Variants in FBH1 observed in about 807,000 individuals in gnomAD.
FBH1 encodes the protein F-box DNA helicase 1.
A neutral mutation model predicts 115.5 loss-of-function variants in FBH1; 43 were observed. That is an observed-to-expected ratio of 0.37 (90% CI 0.29 to 0.48). The LOEUF (loss-of-function observed/expected upper bound fraction) is 0.48, where lower values mean the gene tolerates loss of function less well. Ranked by LOEUF, FBH1 falls within the 20% of genes least tolerant of loss-of-function variation. FBH1 has a pLI of 0.99. For missense variants in FBH1, 1,001 were observed against 1,337.3 expected, an observed-to-expected ratio of 0.75 and a Z score of 3.92; for synonymous variants, 524 against 507.8, an observed-to-expected ratio of 1.03 and a Z score of -0.43.
Position 5,930,511 on chromosome 10 carries a change from G to A in FBH1, c.2829+2970G>A, listed in dbSNP as rs148033019. 6.7e-4 allele frequency among the ~76,000 whole-genome samples: 102 copies of A among 152,330 alleles called. 2 individuals carry two copies. The East Asian group carries it at 0.014, about 21-fold the overall frequency. On this transcript the variant is annotated intron_variant, in intron 19 of 20. Coordinates refer to ENST00000362091, the MANE Select transcript of FBH1 (RefSeq NM_178150.3). Reference sequence around the variant, plus strand: ...CAGTAACTGGAAGTTAGCCGTAGAGGCTTGATTCGATTCAAGCCTGAGTCT... The same window carrying A: ...CAGTAACTGGAAGTTAGCCGTAGAGACTTGATTCGATTCAAGCCTGAGTCT...
intron 1 of FBH1, among the ~76,000 whole-genome samples, chr10:5,892,404 T>G (rs182144143): frequency 6.6e-6 from 1 of 152,370 alleles, no homozygotes; most frequent in African/African-American, 2.4e-5. Flanking sequence ...TTGGGTTTGT[T>G]GACATCATCT....
rs535519935 is a variant in FBH1 at position 5,903,113 on chromosome 10, G to A, written c.95G>A (p.Trp32Ter). ...GTGACCCAGCCCTTCGGTCAAAGAT[G>A]GACAAACAGAGATCCGAACCATGGT... ...LAVTQPFGQRWTNRDPNHGLY... is the reference protein window; with the variant it reads ...LAVTQPFGQR The change falls in exon 2 of 21, where the codon TGG becomes TAG. Residue 32 changes from tryptophan to a stop codon, truncating the protein, a stop_gained. Transcript: ENST00000362091. LOFTEE classifies it high-confidence loss of function. The A allele has an allele frequency of 1.9e-6, 3 of 1,613,686 alleles. No homozygotes were observed. In the Admixed American group the frequency reaches 5.0e-5, roughly 27 times the overall value.
In FBH1 at chr10:5,900,810, T is replaced by C. The variant is rs1843300767; in HGVS notation, c.2-2210T>C. 1.3e-5 allele frequency among the ~76,000 whole-genome samples: 2 copies of C among 152,114 alleles called. No individual in the cohort carries two copies. Among genetic ancestry groups the C allele is most frequent in the African/African-American group, 4.8e-5 (2 of 41,416 alleles). The stretch of plus-strand genomic sequence containing the variant: ...TATGTATTTTCAAGCTTAAAGGAAA[T>C]GTCAAGCTGGGCACAGTGGCTCACA... On this transcript the variant is annotated intron_variant, in intron 1 of 20. Coordinates refer to ENST00000362091, the MANE Select transcript of FBH1 (RefSeq NM_178150.3). This position sits in a 1 kb window ranked among gnomAD's most constrained non-coding sequence, Gnocchi z 4.2.
At position 5,900,314 on chromosome 10, in the gene FBH1, A is replaced by G. The variant is rs1390114887; in HGVS notation, c.2-2706A>G. Reference sequence around the variant, plus strand: ...TCATCTGTTCCTGATGACACTTATCAGACTTAGATGAGATTGGGCGCGTTC... The same window carrying G: ...TCATCTGTTCCTGATGACACTTATCGGACTTAGATGAGATTGGGCGCGTTC... On this transcript the variant is annotated intron_variant, in intron 1 of 20. Transcript: ENST00000362091. This position sits in a 1 kb window ranked among gnomAD's most constrained non-coding sequence, Gnocchi z 4.2. Among the ~76,000 whole-genome samples the G allele has an allele frequency of 6.6e-6, 1 of 152,256 alleles. No homozygotes were observed. The highest frequency in any genetic ancestry group is 1.5e-5 in the Non-Finnish European group (1 of 68,046).
chr10:5,919,356 C>T (rs574486435), intron 13 of FBH1, among the ~76,000 whole-genome samples: 1 of 151,938 alleles, frequency 6.6e-6, no homozygotes, highest in Non-Finnish European at 1.5e-5. Context: ...TGTGGTGGCT[C>T]CCGCCTGTAG....
chr10:5,927,308 C>T (rs1017511672), intron 18 of FBH1, 127 bp from the exon 19 acceptor site: 2 of 640,696 alleles, frequency 3.1e-6, no homozygotes, highest in Admixed American at 3.5e-5. Context: ...GTATTTACAG[C>T]CAACAAATGT....
Position 5,895,015 on chromosome 10 carries a change from AC to A in FBH1, c.1+4670del. 7 of 1,593,102 alleles carry A rather than the reference AC, an allele frequency of 4.4e-6. No individual in the cohort carries two copies. The highest frequency in any genetic ancestry group is 6.0e-6 in the Non-Finnish European group (7 of 1,166,014). ...TTTATGGTGCTGGAGTTGAGAGATA[AC>A]ACAGTTAACTGTTGAAATTGGGCCA... On this transcript the variant is annotated intron_variant, in intron 1 of 20. Transcript: ENST00000362091. This position sits in a 1 kb window ranked among gnomAD's most constrained non-coding sequence, Gnocchi z 5.0.
rs910156503 is a variant in FBH1 at position 5,910,007 on chromosome 10, C to A, written c.1020+713C>A. Among the ~76,000 whole-genome samples, 2 of 152,078 alleles carry A rather than the reference C, an allele frequency of 1.3e-5. No individual in the cohort carries two copies. Among genetic ancestry groups the A allele is most frequent in the Non-Finnish European group, 2.9e-5 (2 of 68,000 alleles). ...TAACTTAAGAATGGTAAAGGCTGGG[C>A]GTGGTGGCTCACGCCTGTTATCCCA... is the stretch of plus-strand genomic sequence containing the variant. On this transcript the variant is annotated intron_variant, in intron 5 of 20. Transcript: ENST00000362091. This position sits in a 1 kb window ranked among gnomAD's most constrained non-coding sequence, Gnocchi z 4.8.
chr10:5,895,241 C>T lies in FBH1; in HGVS notation c.1+4895C>T, dbSNP rs1044916141. ...GCGGTTAGCTGACTCCAAAATTGTC[C>T]AGATTAGCAAAACTGCCCTCTGTGG... On this transcript the variant is annotated intron_variant, in intron 1 of 20. Coordinates refer to ENST00000362091, the MANE Select transcript of FBH1 (RefSeq NM_178150.3). The surrounding 1 kb of genome is among the most constrained non-coding windows in gnomAD (Gnocchi z 5.0). 2.6e-6 allele frequency: 4 copies of T among 1,565,574 alleles called. No individual in the cohort carries two copies. Among genetic ancestry groups the T allele is most frequent in the Middle Eastern group, 1.8e-4 (1 of 5,522 alleles).
At chr10:5,926,115 TC>T (rs1832635661) in intron 18 of FBH1, among the ~76,000 whole-genome samples, 1 of 69,950 alleles carries the variant, frequency 1.4e-5, no homozygotes, top group Non-Finnish European at 3.9e-5. Context: ...TTATTCTTAT[TC>T]TTCTTATTAT....
At chr10:5,904,676 C>A (rs1455529565) in intron 2 of FBH1, among the ~76,000 whole-genome samples, 1 of 152,082 alleles carries the variant, frequency 6.6e-6, no homozygotes, top group Non-Finnish European at 1.5e-5. Context: ...GCCTGGGCAA[C>A]ATAATGAGAC....
In FBH1 at chr10:5,906,434, G is replaced by C; in HGVS notation, c.555G>C (p.Gly185=). ...AESGETDQDA[G]DVGPDPIPDS... ...CTGGTGAAACCGACCAAGATGCTGG[G>C]GACGTGGGTCCTGATCCCATTCCTG... Residue 185 remains glycine (G), a synonymous_variant, in exon 3 of 21, where the codon GGG becomes GGC. Coordinates refer to ENST00000362091, the MANE Select transcript of FBH1 (RefSeq NM_178150.3). The surrounding 1 kb of genome is among the most constrained non-coding windows in gnomAD (Gnocchi z 7.3). 1 of 1,614,228 alleles carries C rather than the reference G, an allele frequency of 6.2e-7. No individual in the cohort carries two copies. Among genetic ancestry groups the C allele is most frequent in the South Asian group, 1.1e-5 (1 of 91,084 alleles).
chr10:5,919,312 C>T (rs1287245585), intron 13 of FBH1, among the ~76,000 whole-genome samples: 1 of 151,950 alleles, frequency 6.6e-6, no homozygotes, highest in Non-Finnish European at 1.5e-5. Context: ...ATGGTAAAAC[C>T]CTGTCTCTAT....
In FBH1 at chr10:5,906,410, T is replaced by C. The variant is rs1419483406; in HGVS notation, c.531T>C (p.Ser177=). ...EDSTSRLSAE[S]GETDQDAGDV... Reference sequence around the variant, plus strand: ...GTACGTCTCGGCTCTCTGCGGAGTCTGGTGAAACCGACCAAGATGCTGGGG... The same window carrying C: ...GTACGTCTCGGCTCTCTGCGGAGTCCGGTGAAACCGACCAAGATGCTGGGG... Residue 177 remains serine (S), a synonymous_variant, in exon 3 of 21, where the codon TCT becomes TCC. Coordinates refer to ENST00000362091, the MANE Select transcript of FBH1 (RefSeq NM_178150.3). The surrounding 1 kb of genome is among the most constrained non-coding windows in gnomAD (Gnocchi z 7.3). 6.2e-7 allele frequency: 1 copy of C among 1,614,030 alleles called. No homozygotes were observed. Among genetic ancestry groups the C allele is most frequent in the Non-Finnish European group, 8.5e-7 (1 of 1,179,968 alleles).
rs1833258738 is a variant in FBH1 at position 5,935,264 on chromosome 10, CA to C, written c.2830-1190del. On this transcript the variant is annotated intron_variant, in intron 19 of 20. Coordinates refer to ENST00000362091, the MANE Select transcript of FBH1 (RefSeq NM_178150.3). This position sits in a 1 kb window ranked among gnomAD's most constrained non-coding sequence, Gnocchi z 5.2. ...TGCATTGTTGGAAATAGTTTGGAAA[CA>C]ACCGAGTAACCACAGCAAGGGAATG... The C allele has an allele frequency of 6.6e-6, 1 of 152,174 alleles. No homozygotes were observed. Among genetic ancestry groups the C allele is most frequent in the South Asian group, 2.1e-4 (1 of 4,832 alleles). 9.4% of individuals were successfully genotyped at this position (152,174 alleles called of 1,614,324 possible).
At position 5,936,235 on chromosome 10, in the gene FBH1, A is replaced by G; in HGVS notation, c.2830-221A>G. On this transcript the variant is annotated intron_variant, in intron 19 of 20. Transcript: ENST00000362091. The surrounding 1 kb of genome is among the most constrained non-coding windows in gnomAD (Gnocchi z 5.6). ...TTTTGCATGTTTATCTGTTAAATAT[A>G]TATATATTTAAAAAGCAATTGGACT... 2.8e-6 allele frequency: 1 copy of G among 351,854 alleles called. No individual in the cohort carries two copies. The highest frequency in any genetic ancestry group is 4.2e-5 in the South Asian group (1 of 24,018). The allele number at this position is 351,854 out of a possible 1,614,324, so 21.8% of individuals were successfully genotyped here. A position where few individuals can be genotyped will look rare whatever the true frequency, so the allele number is the denominator to read the frequency against.
rs1308574855 is a variant in FBH1 at position 5,890,294 on chromosome 10, G to C, written c.-52G>C. The C allele has an allele frequency of 9.9e-5, 37 of 374,190 alleles. No individual in the cohort carries two copies. The highest frequency in any genetic ancestry group is 1.8e-4 in the Non-Finnish European group (36 of 200,986). 23.2% of individuals were successfully genotyped at this position (374,190 alleles called of 1,614,324 possible). A position where few individuals can be genotyped will look rare whatever the true frequency, so the allele number is the denominator to read the frequency against. ...CCGGGGGACGCTGGGCTGAGCGGCCGGCGGCGCGGGCCCGGCGGCGGCGGC... is the reference window on the plus strand; with the variant it reads ...CCGGGGGACGCTGGGCTGAGCGGCCCGCGGCGCGGGCCCGGCGGCGGCGGC... On this transcript the variant is annotated 5_prime_UTR_variant, in exon 1 of 21. Transcript: ENST00000362091.
intron 13 of FBH1, among the ~76,000 whole-genome samples, chr10:5,920,354 G>T (rs565902241): frequency 1.3e-5 from 2 of 152,320 alleles, no homozygotes; most frequent in South Asian, 4.1e-4. Flanking sequence ...GGCTGATGTA[G>T]TGTTTGTCAG....
chr10:5,889,588 C>T (rs1842562170), upstream of FBH1: 1 of 239,892 alleles, frequency 4.2e-6, no homozygotes, highest in Non-Finnish European at 7.8e-6. Flanking sequence ...CCGGCCTGCC[C>T]CGCGTGGGAG....
Sources: allele counts gnomAD v4.1 joint callset (sites outside exome capture counted in the v4.1 genomes callset), GRCh38; gene constraint gnomAD v4.1.1; non-coding constraint Gnocchi (gnomAD v3.1); transcripts MANE v1.5; gene names NCBI Gene and HGNC (gene_info 2026-07-23, HGNC 2026-07-21).